The following PLSCR5 variants were observed in gnomAD, a reference collection of about 807,000 sequenced individuals.
The protein encoded by PLSCR5 is phospholipid scramblase family, member 5.
Under a neutral mutation model 33.6 loss-of-function variants are expected in PLSCR5, and 44 were observed. That is an observed-to-expected ratio of 1.31 (90% CI 1.03 to 1.69). The LOEUF is 1.69. Ranked by LOEUF, PLSCR5 falls within the 40% of genes most tolerant of loss-of-function variation. The pLI, the probability that PLSCR5 is intolerant of heterozygous loss-of-function variation, is 0.00. For synonymous variants in PLSCR5, 148 were observed against 112.3 expected, an observed-to-expected ratio of 1.32 and a Z score of -2.01; for missense variants, 375 against 318.7, an observed-to-expected ratio of 1.18 and a Z score of -1.34.
At chr3:146,590,021 G>T (rs1178423680) in intron 5 of PLSCR5, 3 of 376,342 alleles carry the variant, frequency 8.0e-6, no homozygotes, top group African/African-American at 6.2e-5. Flanking sequence ...TTTTTTGACA[G>T]TTTTCTAGTC....
downstream of PLSCR5, among the ~76,000 whole-genome samples, chr3:146,581,230 A>C (rs564373369): frequency 2.4e-4 from 37 of 152,316 alleles, no homozygotes; most frequent in South Asian, 7.7e-3. Context: ...CTTTGCTTAT[A>C]AATTGTGTCT....
chr3:146,595,002 A>G (rs1370847312), intron 3 of PLSCR5, 39 bp downstream of exon 3: 1 of 1,229,536 alleles, frequency 8.1e-7, no homozygotes, highest in South Asian at 2.4e-5. Flanking sequence ...AATATTTTCA[A>G]TAGTTTTAAT....
intron 2 of PLSCR5, among the ~76,000 whole-genome samples, chr3:146,598,037 C>G (rs1356467496): frequency 1.3e-5 from 2 of 151,908 alleles, no homozygotes; most frequent in African/African-American, 4.8e-5. Context: ...TGATTTTACT[C>G]TTAGATTTAA....
At chr3:146,590,987 G>GTTTT (rs376959020) in intron 5 of PLSCR5, among the ~76,000 whole-genome samples, 1 of 88,114 alleles carries the variant, frequency 1.1e-5, no homozygotes, top group Non-Finnish European at 2.3e-5. Context: ...CGAGAATAAG[G>GTTTT]TTTTTTTTTG....
At chr3:146,591,929 T>A in intron 4 of PLSCR5, 48 bp from the exon 5 acceptor site, 1 of 1,433,306 alleles carries the variant, frequency 7.0e-7, no homozygotes, top group Non-Finnish European at 9.4e-7. Flanking sequence ...GGTTATCATA[T>A]TTTAATTTTA....
chr3:146,593,528 A>G lies in PLSCR5; in HGVS notation c.453+392T>C, dbSNP rs2044732168. ...TACTAAATAATAATACCTATCCAAG[A>G]GGATACCTTAGAGGAGTTTAATATC... On this transcript the variant is annotated intron_variant, in intron 4 of 7. Coordinates refer to ENST00000443512, the MANE Select transcript of PLSCR5 (RefSeq NM_001085420.2). Among the ~76,000 whole-genome samples the G allele has an allele frequency of 5.9e-5, 9 of 152,294 alleles. No homozygotes were observed. The South Asian group carries it at 1.9e-3, about 32-fold the overall frequency.
At chr3:146,586,373 A>G (rs926122535) in intron 6 of PLSCR5, among the ~76,000 whole-genome samples, 1 of 152,144 alleles carries the variant, frequency 6.6e-6, no homozygotes, top group African/African-American at 2.4e-5. Flanking sequence ...GTATTATATG[A>G]TTTATCTGGA....
intron 4 of PLSCR5, among the ~76,000 whole-genome samples, chr3:146,592,731 T>C (rs1351352327): frequency 1.3e-5 from 2 of 152,176 alleles, no homozygotes; most frequent in Non-Finnish European, 2.9e-5. Flanking sequence ...TTTAAAGTTA[T>C]TAATTTGCTA....
Position 146,591,231 on chromosome 3 carries a change from A to C in PLSCR5, c.615+489T>G, listed in dbSNP as rs907302332. Among the ~76,000 whole-genome samples the C allele has an allele frequency of 1.7e-4, 26 of 152,086 alleles. 1 individual carries two copies. The highest frequency in any genetic ancestry group is 6.3e-4 in the African/African-American group (26 of 41,566). On this transcript the variant is annotated intron_variant, in intron 5 of 7. Transcript: ENST00000443512. Reference sequence around the variant, plus strand: ...ATAAATAAAACATACTGAAACAAGAATGAAGTGCTAATTTTCAAAATCAGG... The same window carrying C: ...ATAAATAAAACATACTGAAACAAGACTGAAGTGCTAATTTTCAAAATCAGG...
chr3:146,593,850 A>G (rs2044734932), intron 4 of PLSCR5, 70 bp downstream of exon 4: 14 of 1,442,530 alleles, frequency 9.7e-6, no homozygotes, highest in Non-Finnish European at 1.4e-5. Flanking sequence ...ATTGCTCCAG[A>G]TGAATTCCTT....
chr3:146,589,277 C>T (rs187506215), intron 6 of PLSCR5, among the ~76,000 whole-genome samples: 8 of 152,054 alleles, frequency 5.3e-5, no homozygotes, highest in Admixed American at 3.3e-4. Flanking sequence ...ATGCAATGAA[C>T]CAGTCTGGAA....
At chr3:146,597,904 TG>T (rs2044775243) in intron 2 of PLSCR5, among the ~76,000 whole-genome samples, 1 of 152,190 alleles carries the variant, frequency 6.6e-6, no homozygotes, top group African/African-American at 2.4e-5. Flanking sequence ...GATATTTACA[TG>T]TTTTGTAGAC....
At position 146,586,081 on chromosome 3, in the gene PLSCR5, C is replaced by G. The variant is rs201247692; in HGVS notation, c.809G>C (p.Gly270Ala). Reference sequence around the variant, plus strand: ...TTTTCATTATCTTGGTTATTATAATCCAGCCAGTGAATGTTCAAAGAACAT... The same window carrying G: ...TTTTCATTATCTTGGTTATTATAATGCAGCCAGTGAATGTTCAAAGAACAT... ...DFMFFEHSLA[G>A]L Residue 270 changes from glycine (G) to alanine (A), a missense_variant, in exon 7 of 8, where the codon GGA (glycine) becomes GCA (alanine). Transcript: ENST00000443512. 7.4e-6 allele frequency: 11 copies of G among 1,484,108 alleles called. No homozygotes were observed. Among genetic ancestry groups the G allele is most frequent in the Middle Eastern group, 1.7e-4 (1 of 5,748 alleles). The allele number at this position is 1,484,108 out of a possible 1,614,324, so 91.9% of individuals were successfully genotyped here.
rs745425342 is a variant in PLSCR5 at position 146,600,375 on chromosome 3, C to G, written c.102G>C (p.Gly34=). 1 of 1,610,012 alleles carries G rather than the reference C, an allele frequency of 6.2e-7. No individual in the cohort carries two copies. The highest frequency in any genetic ancestry group is 8.5e-7 in the Non-Finnish European group (1 of 1,177,930). ...GGAGACTCAGCTGCCATGCTTGGTT[C>G]CCTGGATTGGAAGAGGCAGGAAGGC... The part of the protein sequence containing the change: ...DQSLPASSNP[G]NQAWQLSLPL... The change falls in exon 2 of 8, where the codon GGG becomes GGC. Residue 34 remains glycine, a synonymous_variant. Transcript: ENST00000443512.
chr3:146,602,126 AG>A lies in PLSCR5; in HGVS notation c.14-1664del, dbSNP rs369387525. On this transcript the variant is annotated intron_variant, in intron 1 of 7. Transcript: ENST00000443512. ...ATACTATAGCAGTTTGGTTTCCGCA[AG>A]TACCCCCACCCTGAACTTCTCACAC... 2.0e-3 allele frequency among the ~76,000 whole-genome samples: 299 copies of A among 152,196 alleles called. 2 individuals carry two copies. The highest frequency in any genetic ancestry group is 6.9e-3 in the African/African-American group (288 of 41,550).
intron 7 of PLSCR5, among the ~76,000 whole-genome samples, chr3:146,578,132 T>C (rs2044610421): frequency 6.6e-6 from 1 of 152,128 alleles, no homozygotes. Flanking sequence ...GGCAATGAAA[T>C]GGTAGACCGA....
chr3:146,591,065 G>A (rs2044710351), intron 5 of PLSCR5, among the ~76,000 whole-genome samples: 1 of 143,616 alleles, frequency 7.0e-6, no homozygotes, highest in Non-Finnish European at 1.5e-5. Context: ...TTGAGTTAAT[G>A]CTGTTTTAAT....
intron 6 of PLSCR5, among the ~76,000 whole-genome samples, chr3:146,587,540 T>A (rs1560106024): frequency 1.3e-5 from 2 of 151,816 alleles, no homozygotes; most frequent in Non-Finnish European, 2.9e-5. Context: ...AAAGGGTGTG[T>A]GTGTGGAGGG....
chr3:146,582,792 A>C (rs186682984), downstream of PLSCR5, among the ~76,000 whole-genome samples: 7 of 152,334 alleles, frequency 4.6e-5, no homozygotes, highest in African/African-American at 1.7e-4. Context: ...ACCAACCATT[A>C]TACTGCAGGT....
Sources: gnomAD v4.1 joint callset for allele counts (sites outside exome capture counted in the v4.1 genomes callset) on GRCh38, gnomAD v4.1.1 for gene constraint, MANE v1.5 for transcripts, NCBI Gene and HGNC (gene_info 2026-07-23, HGNC 2026-07-21) for gene names.